ERN1: variants seen among roughly 807,000 people sequenced by gnomAD.
The protein encoded by ERN1 is endoplasmic reticulum to nucleus signaling 1, also known as serine/threonine-protein kinase/endoribonuclease IRE1.
ERN1 carries 39 observed loss-of-function variants against 113.1 expected under a neutral mutation model. That is an observed-to-expected ratio of 0.34 (90% CI 0.27 to 0.45). The LOEUF (loss-of-function observed/expected upper bound fraction) is 0.45, where lower values mean the gene tolerates loss of function less well. Among genes scored for constraint, ERN1 ranks in the 20% least tolerant of loss-of-function variants. ERN1 has a pLI of 1.00. For missense variants in ERN1, 976 were observed against 1,274.8 expected, an observed-to-expected ratio of 0.77 and a Z score of 3.57; for synonymous variants, 507 against 515.9, an observed-to-expected ratio of 0.98 and a Z score of 0.23.
At chr17:64,129,903 C>T (rs1343486499) in intron 1 of ERN1, 73 bp downstream of exon 1, 1 of 1,274,576 alleles carries the variant, frequency 7.8e-7, no homozygotes, top group Non-Finnish European at 1.0e-6. Context: ...CCAGCCCCGG[C>T]GCCGCGACGC....
At position 64,054,934 on chromosome 17, in the gene ERN1, T is replaced by G; in HGVS notation, c.1673-106A>C. On this transcript the variant is annotated intron_variant, in intron 13 of 21. Transcript: ENST00000433197. The surrounding 1 kb of genome is among the most constrained non-coding windows in gnomAD (Gnocchi z 4.9). ...CTGACCTCAGATTAAAAGATGGGATTTAAGAGGCACTGCACCCCAGACTGC... is the reference window on the plus strand; with the variant it reads ...CTGACCTCAGATTAAAAGATGGGATGTAAGAGGCACTGCACCCCAGACTGC... The G allele has an allele frequency of 1.1e-6, 1 of 899,194 alleles. No individual in the cohort carries two copies. Among genetic ancestry groups the G allele is most frequent in the Non-Finnish European group, 1.7e-6 (1 of 586,604 alleles). 55.7% of individuals were successfully genotyped at this position (899,194 alleles called of 1,614,324 possible).
At chr17:64,065,929 G>C (rs1262679931) in intron 8 of ERN1, among the ~76,000 whole-genome samples, 1 of 152,078 alleles carries the variant, frequency 6.6e-6, no homozygotes, top group Non-Finnish European at 1.5e-5. Flanking sequence ...AGCCCACCTG[G>C]GATCGGTCAT....
At chr17:64,078,747 G>A (rs927019169) in intron 4 of ERN1, among the ~76,000 whole-genome samples, 43 of 152,272 alleles carry the variant, frequency 2.8e-4, no homozygotes, top group African/African-American at 1.0e-3. Context: ...GCTCACGTCT[G>A]TAATCCCAGC....
At chr17:64,124,877 G>C (rs1915040666) in intron 1 of ERN1, among the ~76,000 whole-genome samples, 1 of 152,184 alleles carries the variant, frequency 6.6e-6, no homozygotes, top group Admixed American at 6.5e-5. Flanking sequence ...AGTTACAAAA[G>C]ACCACATAAT....
intron 1 of ERN1, among the ~76,000 whole-genome samples, chr17:64,101,736 G>T (rs1914389912): frequency 6.6e-6 from 1 of 152,170 alleles, no homozygotes; most frequent in South Asian, 2.1e-4. Context: ...CAATAAGAAT[G>T]TATGCATCCA....
chr17:64,105,921 C>T (rs1169223788), intron 1 of ERN1, among the ~76,000 whole-genome samples: 1 of 151,564 alleles, frequency 6.6e-6, no homozygotes, highest in Non-Finnish European at 1.5e-5. Context: ...TGCCGTTGCA[C>T]TCCAGTCCAG....
At chr17:64,116,654 A>AACACACAC (rs149334208) in intron 1 of ERN1, among the ~76,000 whole-genome samples, 6,736 of 149,730 alleles carry the variant, frequency 0.045, 465 homozygotes, top group African/African-American at 0.16. Flanking sequence ...AAAAAAAAAT[A>AACACACAC]ACACACACAC....
intron 6 of ERN1, among the ~76,000 whole-genome samples, chr17:64,070,756 T>A (rs1913385628): frequency 6.6e-6 from 1 of 152,268 alleles, no homozygotes; most frequent in South Asian, 2.1e-4. Context: ...GTTTTTGGTA[T>A]AATTTCTTCC....
chr17:64,044,896 A>C lies in ERN1; in HGVS notation c.2685T>G (p.Gly895=). 6.3e-7 allele frequency: 1 copy of C among 1,594,132 alleles called. No individual in the cohort carries two copies. Among genetic ancestry groups the C allele is most frequent in the Non-Finnish European group, 8.5e-7 (1 of 1,169,618 alleles). ...TGGCTCGGAGGAGATCTCTGACAGA[A>C]CCACCTTTATAGGTCCTGAATTTAC... is the stretch of plus-strand genomic sequence containing the variant. The part of the protein sequence containing the change: ...DLRKFRTYKG[G]SVRDLLRAMR... The change falls in exon 21 of 22, where the codon GGT becomes GGG. Residue 895 remains glycine, a synonymous_variant. Transcript: ENST00000433197. This position sits in a 1 kb window ranked among gnomAD's most constrained non-coding sequence, Gnocchi z 4.1.
rs1912628590 is a variant in ERN1 at position 64,049,850 on chromosome 17, C to T, written c.2254-648G>A. Among the ~76,000 whole-genome samples, 1 of 152,156 alleles carries T rather than the reference C, an allele frequency of 6.6e-6. No individual in the cohort carries two copies. The highest frequency in any genetic ancestry group is 1.5e-5 in the Non-Finnish European group (1 of 68,034). On this transcript the variant is annotated intron_variant, in intron 17 of 21. Transcript: ENST00000433197. The surrounding 1 kb of genome is among the most constrained non-coding windows in gnomAD (Gnocchi z 4.7). ...AAATGTACGTTTGTGTTTTTTAGCT[C>T]ATGCTACCTGGGGTGTAATACCAAG... is the stretch of plus-strand genomic sequence containing the variant.
intron 1 of ERN1, among the ~76,000 whole-genome samples, chr17:64,126,616 T>C (rs1457628774): frequency 1.3e-5 from 2 of 152,188 alleles, no homozygotes; most frequent in African/African-American, 4.8e-5. Context: ...GCAGGCAAGT[T>C]AATGAAACAA....
chr17:64,054,445 G>A lies in ERN1; in HGVS notation c.1764-6C>T. 1 of 1,553,412 alleles carries A rather than the reference G, an allele frequency of 6.4e-7. No individual in the cohort carries two copies. On this transcript the variant is annotated splice_polypyrimidine_tract_variant and splice_region_variant and intron_variant, in intron 14 of 21. Coordinates refer to ENST00000433197, the MANE Select transcript of ERN1 (RefSeq NM_001433.5). This position sits in a 1 kb window ranked among gnomAD's most constrained non-coding sequence, Gnocchi z 4.9. ...CGCGGTTGTCAAACATGCCCCTGCG[G>A]GATGAGGAGTGGGAGTTGTGTCTGG...
In ERN1 at chr17:64,130,045, C is replaced by T. The variant is rs1915198749; in HGVS notation, c.-16G>A. 1.4e-6 allele frequency: 2 copies of T among 1,401,118 alleles called. No individual in the cohort carries two copies. Among genetic ancestry groups the T allele is most frequent in the Non-Finnish European group, 9.2e-7 (1 of 1,085,966 alleles). The allele number at this position is 1,401,118 out of a possible 1,614,324, so 86.8% of individuals were successfully genotyped here. On this transcript the variant is annotated 5_prime_UTR_variant, in exon 1 of 22. Coordinates refer to ENST00000433197, the MANE Select transcript of ERN1 (RefSeq NM_001433.5). This position sits in a 1 kb window ranked among gnomAD's most constrained non-coding sequence, Gnocchi z 4.0. ...GGGCCGGCATGGCGAGGACTCGGCC[C>T]TGGCTCCGGGGGCGGTACGGACAGA...
At position 64,055,808 on chromosome 17, in the gene ERN1, C is replaced by T. The variant is rs747246243; in HGVS notation, c.1539G>A (p.Thr513=). 5.1e-6 allele frequency: 8 copies of T among 1,580,586 alleles called. No individual in the cohort carries two copies. The highest frequency in any genetic ancestry group is 1.3e-5 in the African/African-American group (1 of 74,204). Reference sequence around the variant, plus strand: ...CCGAGCTCTCTGAGTACGGGCCAGACGTGTCCAGGAGCTCGCCGTCCTGAG... The same window carrying T: ...CCGAGCTCTCTGAGTACGGGCCAGATGTGTCCAGGAGCTCGCCGTCCTGAG... ...DTAQDGELLD[T]SGPYSESSGT... is the part of the protein sequence containing the mutation. The change falls in exon 13 of 22, where the codon ACG becomes ACA. Residue 513 remains threonine (T), a synonymous_variant. Transcript: ENST00000433197.
At chr17:64,113,680 T>G (rs1914730782) in intron 1 of ERN1, among the ~76,000 whole-genome samples, 1 of 151,138 alleles carries the variant, frequency 6.6e-6, no homozygotes, top group African/African-American at 2.4e-5. Flanking sequence ...GCCAGGCAAT[T>G]TTTTTGTTTT....
chr17:64,056,777 T>C (rs148021760), intron 12 of ERN1, among the ~76,000 whole-genome samples: 5 of 152,320 alleles, frequency 3.3e-5, no homozygotes, highest in African/African-American at 1.2e-4. Context: ...GTTACTTAGC[T>C]TCTCAGGGTC....
At chr17:64,128,249 G>T (rs2143519106) in intron 1 of ERN1, among the ~76,000 whole-genome samples, 1 of 149,116 alleles carries the variant, frequency 6.7e-6, no homozygotes, top group Admixed American at 6.7e-5. Flanking sequence ...GACCTCAAGT[G>T]ATCCACCCAC....
In ERN1 at chr17:64,127,773, AAG is replaced by A. The variant is rs1360147179; in HGVS notation, c.54+2201_54+2202del. On this transcript the variant is annotated intron_variant, in intron 1 of 21. Coordinates refer to ENST00000433197, the MANE Select transcript of ERN1 (RefSeq NM_001433.5). ...ACTCCATATCAAAAAAAAAAAAAAAAAGAAGTAGTAGTAGTAGTAGTAAAAGA... is the reference window on the plus strand; with the variant it reads ...ACTCCATATCAAAAAAAAAAAAAAAAAAGTAGTAGTAGTAGTAGTAAAAGA... 1.6e-3 allele frequency among the ~76,000 whole-genome samples: 238 copies of A among 149,096 alleles called. 1 individual carries two copies. Among genetic ancestry groups the A allele is most frequent in the African/African-American group, 5.7e-3 (221 of 38,826 alleles).
At chr17:64,077,881 G>C (rs1271136343) in intron 4 of ERN1, among the ~76,000 whole-genome samples, 1 of 152,022 alleles carries the variant, frequency 6.6e-6, no homozygotes, top group Non-Finnish European at 1.5e-5. Context: ...AAGTAGCTGG[G>C]ACTATAGGCG....
Sources: allele counts gnomAD v4.1 joint callset (sites outside exome capture counted in the v4.1 genomes callset), GRCh38; gene constraint gnomAD v4.1.1; non-coding constraint Gnocchi (gnomAD v3.1); transcripts MANE v1.5; gene names NCBI Gene and HGNC (gene_info 2026-07-23, HGNC 2026-07-21).